Variants in SYT13 observed in about 807,000 individuals in gnomAD.
SYT13 encodes synaptotagmin-13.
Under a neutral mutation model 38.6 loss-of-function variants are expected in SYT13, and 21 were observed. The ratio of observed to expected loss-of-function variants is 0.54; its 90% CI spans 0.39 to 0.78. The LOEUF (loss-of-function observed/expected upper bound fraction) is 0.78. Ranked by LOEUF, SYT13 falls within the 30% of genes least tolerant of loss-of-function variation. SYT13 has a pLI of 0.00. For missense variants in SYT13, 495 were observed against 548.7 expected, an observed-to-expected ratio of 0.90 and a Z score of 0.98; for synonymous variants, 241 against 237.6, an observed-to-expected ratio of 1.01 and a Z score of -0.13.
At position 45,243,991 on chromosome 11, in the gene SYT13, G is replaced by C. The variant is rs1463283325; in HGVS notation, c.*61C>G. 2.3e-5 allele frequency: 34 copies of C among 1,501,626 alleles called. No individual in the cohort carries two copies. Among genetic ancestry groups the C allele is most frequent in the Non-Finnish European group, 3.0e-5 (34 of 1,120,978 alleles). 93.0% of individuals were successfully genotyped at this position (1,501,626 alleles called of 1,614,324 possible). On this transcript the variant is annotated 3_prime_UTR_variant, in exon 6 of 6. Transcript: ENST00000020926. ...GTGTCAGAATGAGGAAAGGGGCACA[G>C]AAAGGAGGTTGCAGAGGACGGGTCA... is the stretch of plus-strand genomic sequence containing the variant.
At chr11:45,253,435 C>T (rs1321763635) in intron 3 of SYT13, among the ~76,000 whole-genome samples, 4 of 152,094 alleles carry the variant, frequency 2.6e-5, no homozygotes, top group Non-Finnish European at 4.4e-5. Flanking sequence ...CTGTAAAATG[C>T]GCTAGTGTGA....
rs1385960272 is a variant in SYT13, at chr11:45,243,909, A to G, written c.*143T>C. The G allele has an allele frequency of 2.4e-6, 2 of 832,530 alleles. No individual in the cohort carries two copies. The highest frequency in any genetic ancestry group is 3.8e-6 in the Non-Finnish European group (2 of 531,098). 51.6% of individuals were successfully genotyped at this position (832,530 alleles called of 1,614,324 possible). A position where few individuals can be genotyped will look rare whatever the true frequency, so the allele number is the denominator to read the frequency against. On this transcript the variant is annotated 3_prime_UTR_variant, in exon 6 of 6. Coordinates refer to ENST00000020926, the MANE Select transcript of SYT13 (RefSeq NM_020826.3). The stretch of plus-strand genomic sequence containing the variant: ...CTGTCTTGCTTATTTCTAAGAAACA[A>G]GAGTATGATGAGAGAGCCATCCCAG...
intron 1 of SYT13, among the ~76,000 whole-genome samples, chr11:45,276,544 C>A (rs2135909340): frequency 6.6e-6 from 1 of 152,128 alleles, no homozygotes; most frequent in Middle Eastern, 3.4e-3. Context: ...AACAAACCTG[C>A]ACGTTCTGCA....
chr11:45,264,386 A>C (rs1490722340), intron 1 of SYT13, among the ~76,000 whole-genome samples: 2 of 152,240 alleles, frequency 1.3e-5, no homozygotes, highest in African/African-American at 4.8e-5. Context: ...ATTACCAAAA[A>C]AATGACATTC....
intron 1 of SYT13, among the ~76,000 whole-genome samples, chr11:45,256,318 A>T (rs959868576): frequency 2.0e-5 from 3 of 152,170 alleles, no homozygotes; most frequent in African/African-American, 7.2e-5. Flanking sequence ...CAGCTTGCCT[A>T]GCTTGATCCT....
chr11:45,281,835 T>C (rs1855078231), intron 1 of SYT13, among the ~76,000 whole-genome samples: 1 of 152,156 alleles, frequency 6.6e-6, no homozygotes, highest in Admixed American at 6.5e-5. Flanking sequence ...AAACACTGTG[T>C]TGGGAGAAAA....
intron 1 of SYT13, among the ~76,000 whole-genome samples, chr11:45,275,509 A>T (rs141393038): frequency 0.015 from 2,346 of 152,308 alleles, 56 homozygotes; most frequent in African/African-American, 0.053. Flanking sequence ...TAAGGGAAAA[A>T]TTATAATGCA....
In SYT13 at chr11:45,241,346, A is replaced by C. The variant is rs1854547860; in HGVS notation, c.*2706T>G. On this transcript the variant is annotated 3_prime_UTR_variant, in exon 6 of 6. Coordinates refer to ENST00000020926, the MANE Select transcript of SYT13 (RefSeq NM_020826.3). ...ATCCCAGGCACTTAGAATACAGTGA[A>C]CATAACAGACAACTCTCCTTCAAAA... 6.6e-6 allele frequency: 1 copy of C among 152,226 alleles called. No homozygotes were observed. The highest frequency in any genetic ancestry group is 1.5e-5 in the Non-Finnish European group (1 of 68,048). The allele number at this position is 152,226 out of a possible 1,614,324, so 9.4% of individuals were successfully genotyped here.
In SYT13 at chr11:45,244,299, G is replaced by A; in HGVS notation, c.1034C>T (p.Thr345Ile). Reference sequence around the variant, plus strand: ...GTTGATCTTGTGCTTAGCTCGTTTAGTCTGCTTCTTCTTCAGCTTCCGAGC... The same window carrying A: ...GTTGATCTTGTGCTTAGCTCGTTTAATCTGCTTCTTCTTCAGCTTCCGAGC... ...HQARKLKKKQTKRAKHKINPV... is the reference protein window; with the variant it reads ...HQARKLKKKQIKRAKHKINPV... The change falls in exon 6 of 6, where the codon ACT becomes ATT. Residue 345 changes from threonine (T) to isoleucine (I), a missense_variant. Thr to Ile is a moderately conservative substitution (Grantham distance 89). Coordinates refer to ENST00000020926, the MANE Select transcript of SYT13 (RefSeq NM_020826.3). The A allele has an allele frequency of 6.2e-7, 1 of 1,614,050 alleles. No homozygotes were observed. Among genetic ancestry groups the A allele is most frequent in the African/African-American group, 1.3e-5 (1 of 75,044 alleles).
intron 1 of SYT13, among the ~76,000 whole-genome samples, chr11:45,257,479 G>C (rs766911129): frequency 2.0e-5 from 3 of 152,212 alleles, no homozygotes; most frequent in Non-Finnish European, 4.4e-5. Context: ...TGGCTGAAGC[G>C]AGTAGTGGGT....
At position 45,246,389 on chromosome 11, in the gene SYT13, C is replaced by G. The variant is rs772312306; in HGVS notation, c.970G>C (p.Gly324Arg). 4 of 1,613,722 alleles carry G rather than the reference C, an allele frequency of 2.5e-6. No individual in the cohort carries two copies. The highest frequency in any genetic ancestry group is 3.4e-6 in the Non-Finnish European group (4 of 1,179,890). Residue 324 changes from glycine (G) to arginine (R), a missense_variant, in exon 5 of 6, where the codon GGG (glycine) becomes CGG (arginine). Gly to Arg is a moderately radical substitution (Grantham distance 125). Transcript: ENST00000020926. ...LHSNQSKELL[G>R]KDVSVKVTLK... Reference sequence around the variant, plus strand: ...CCTCTCACATCTCACTCACCCTTCCCCAGGAGCTCCTTGGACTGGTTAGAG... The same window carrying G: ...CCTCTCACATCTCACTCACCCTTCCGCAGGAGCTCCTTGGACTGGTTAGAG...
rs1307589033 is a variant in SYT13 at position 45,243,718 on chromosome 11, C to T, written c.*334G>A. ...TTGAAATGCTTGTTTTTCAAAAAGC[C>T]AAATTCTTCTTTGCATCCATGATTC... is the stretch of plus-strand genomic sequence containing the variant. On this transcript the variant is annotated 3_prime_UTR_variant, in exon 6 of 6. Coordinates refer to ENST00000020926, the MANE Select transcript of SYT13 (RefSeq NM_020826.3). 1.3e-5 allele frequency: 3 copies of T among 232,796 alleles called. No individual in the cohort carries two copies. Among genetic ancestry groups the T allele is most frequent in the Middle Eastern group, 1.4e-3 (1 of 718 alleles). The allele number at this position is 232,796 out of a possible 1,614,324, so 14.4% of individuals were successfully genotyped here.
At position 45,265,787 on chromosome 11, in the gene SYT13, G is replaced by A. The variant is rs77061215; in HGVS notation, c.184-9896C>T. Among the ~76,000 whole-genome samples, 949 of 152,160 alleles carry A rather than the reference G, an allele frequency of 6.2e-3. 7 individuals are homozygous for A. Among genetic ancestry groups the A allele is most frequent in the Non-Finnish European group, 0.011 (714 of 67,998 alleles). On this transcript the variant is annotated intron_variant, in intron 1 of 5. Transcript: ENST00000020926. ...CATATGAATTCGAGGGCACACATTC[G>A]TTCCCTAATTCCCCCACAACAAAGA...
At chr11:45,275,152 C>T (rs1238990788) in intron 1 of SYT13, among the ~76,000 whole-genome samples, 1 of 152,314 alleles carries the variant, frequency 6.6e-6, no homozygotes, top group Non-Finnish European at 1.5e-5. Context: ...CATTTGTCTA[C>T]CCATCCATTC....
intron 1 of SYT13, among the ~76,000 whole-genome samples, chr11:45,263,101 C>T (rs1854839217): frequency 6.6e-6 from 1 of 152,178 alleles, no homozygotes; most frequent in Non-Finnish European, 1.5e-5. Context: ...AAGGGTAGCA[C>T]AGACGCCTCC....
intron 1 of SYT13, among the ~76,000 whole-genome samples, chr11:45,282,942 G>A (rs960690134): frequency 6.6e-6 from 1 of 152,160 alleles, no homozygotes; most frequent in Non-Finnish European, 1.5e-5. Context: ...GAACCCAGGA[G>A]TTTGAGACCA....
chr11:45,280,695 T>C (rs1488934894), intron 1 of SYT13, among the ~76,000 whole-genome samples: 1 of 152,212 alleles, frequency 6.6e-6, no homozygotes, highest in Non-Finnish European at 1.5e-5. Flanking sequence ...CTGTGCTGGC[T>C]TCAAATCCTG....
chr11:45,262,721 TCACACACACACACACACACACA>T, intron 1 of SYT13, among the ~76,000 whole-genome samples: 1 of 78,266 alleles, frequency 1.3e-5, no homozygotes, highest in East Asian at 2.7e-4. Flanking sequence ...GGAGATCCTA[TCACACACACACACACACACACA>T]CACACACACA....
Position 45,255,841 on chromosome 11 carries a change from C to T in SYT13, c.234G>A (p.Lys78=). 3 of 1,614,180 alleles carry T rather than the reference C, an allele frequency of 1.9e-6. No individual in the cohort carries two copies. Among genetic ancestry groups the T allele is most frequent in the African/African-American group, 1.3e-5 (1 of 75,040 alleles). The change falls in exon 2 of 6, where the codon AAG becomes AAA. Residue 78 remains lysine, a synonymous_variant. Coordinates refer to ENST00000020926, the MANE Select transcript of SYT13 (RefSeq NM_020826.3). The stretch of plus-strand genomic sequence containing the variant: ...GCCTGGGTCCATAGATGTCTGGGAA[C>T]TTGAGGAGGGCACGGGGCTGAACAG... ...TEPVQPRALL[K]FPDIYGPRPA...
Sources: gnomAD v4.1 joint callset for allele counts (sites outside exome capture counted in the v4.1 genomes callset) on GRCh38, gnomAD v4.1.1 for gene constraint, MANE v1.5 for transcripts, NCBI Gene and HGNC (gene_info 2026-07-23, HGNC 2026-07-21) for gene names.